Variants in PPM1H observed in about 807,000 individuals in gnomAD.
PPM1H encodes the protein protein phosphatase 1H.
In PPM1H, 27 loss-of-function variants were observed where a neutral mutation model predicts 54.9. The observed-to-expected ratio is 0.49, with a 90% CI of 0.36 to 0.68. PPM1H has a LOEUF of 0.68. Ranked by LOEUF, PPM1H falls within the 30% of genes least tolerant of loss-of-function variation. The probability of loss-of-function intolerance (pLI) is 0.00; values close to 1 mark genes in which losing one functional copy is unlikely to be tolerated. For missense variants in PPM1H, 596 were observed against 667.8 expected (o/e 0.89, Z 1.19); for synonymous variants, 305 against 270.8 (o/e 1.13, Z -1.24).
chr12:62,816,672 C>G (rs913912219), intron 2 of PPM1H, among the ~76,000 whole-genome samples: 1 of 151,636 alleles, frequency 6.6e-6, no homozygotes, highest in Admixed American at 6.6e-5. Context: ...TAAATTAATA[C>G]CAGCAAGGCA....
At chr12:62,711,996 C>T (rs2076210029) in intron 6 of PPM1H, among the ~76,000 whole-genome samples, 1 of 152,190 alleles carries the variant, frequency 6.6e-6, no homozygotes, top group South Asian at 2.1e-4. Flanking sequence ...ACAGCAGGGC[C>T]CGCTTTCTTC....
In PPM1H at chr12:62,686,830, C is replaced by T. The variant is rs534265461; in HGVS notation, c.1245+2869G>A. On this transcript the variant is annotated intron_variant, in intron 8 of 9. Coordinates refer to ENST00000228705, the MANE Select transcript of PPM1H (RefSeq NM_020700.2). ...TTTTCTCTTTCAGTGGCTTCTTAGT[C>T]CCTTTTATCTACATGTACTATGGAT... Among the ~76,000 whole-genome samples the T allele has an allele frequency of 2.8e-4, 42 of 152,252 alleles. 1 individual carries two copies. The South Asian group carries it at 8.3e-3, about 30-fold the overall frequency.
chr12:62,804,760 C>G (rs1377558253), intron 2 of PPM1H, among the ~76,000 whole-genome samples: 4 of 145,220 alleles, frequency 2.8e-5, no homozygotes, highest in Non-Finnish European at 6.0e-5. Context: ...ACTGCAAGCT[C>G]CGCCTCCCAG....
At chr12:62,829,776 C>T (rs1868330572) in intron 2 of PPM1H, among the ~76,000 whole-genome samples, 1 of 152,168 alleles carries the variant, frequency 6.6e-6, no homozygotes, top group African/African-American at 2.4e-5. Context: ...AAAAAGTCAC[C>T]CCAGCTCCAT....
At chr12:62,804,545 T>G (rs944706860) in intron 2 of PPM1H, among the ~76,000 whole-genome samples, 5 of 152,122 alleles carry the variant, frequency 3.3e-5, no homozygotes, top group Non-Finnish European at 4.4e-5. Flanking sequence ...AAATTTTTTT[T>G]GGTATCCTTC....
chr12:62,915,431 CAG>C (rs1284994088), intron 1 of PPM1H, among the ~76,000 whole-genome samples: 1 of 152,234 alleles, frequency 6.6e-6, no homozygotes, highest in African/African-American at 2.4e-5. Context: ...ACAGCTGCAG[CAG>C]AGTTTGTGCA....
intron 2 of PPM1H, among the ~76,000 whole-genome samples, 162 bp downstream of exon 2, chr12:62,831,952 T>C (rs1430933696): frequency 6.6e-6 from 1 of 151,848 alleles, no homozygotes; most frequent in African/African-American, 2.4e-5. Flanking sequence ...TTCAGCTTGG[T>C]ATGTGTGATG....
chr12:62,652,553 T>G (rs575666485), intron 9 of PPM1H, among the ~76,000 whole-genome samples: 62 of 152,362 alleles, frequency 4.1e-4, no homozygotes, highest in African/African-American at 1.4e-3. Context: ...GTTTTTAATT[T>G]ATTATGTGCT....
At position 62,935,144 on chromosome 12, in the gene PPM1H, G is replaced by A. The variant is rs890162482; in HGVS notation, c.-408C>T. 3 of 154,052 alleles carry A rather than the reference G, an allele frequency of 1.9e-5. No homozygotes were observed. The highest frequency in any genetic ancestry group is 2.1e-4 in the South Asian group (1 of 4,848). 9.5% of individuals were successfully genotyped at this position (154,052 alleles called of 1,614,324 possible). A position where few individuals can be genotyped will look rare whatever the true frequency, so the allele number is the denominator to read the frequency against. ...CTGCTGCCACGGCTACTGCCGCCGG[G>A]TCATGTGATAATCAGGCTGCAAGGG... On this transcript the variant is annotated 5_prime_UTR_variant, in exon 1 of 10. Coordinates refer to ENST00000228705, the MANE Select transcript of PPM1H (RefSeq NM_020700.2).
chr12:62,730,879 G>T (rs1340594912), intron 5 of PPM1H, among the ~76,000 whole-genome samples: 1 of 152,180 alleles, frequency 6.6e-6, no homozygotes, highest in African/African-American at 2.4e-5. Flanking sequence ...CAGAGCCAAG[G>T]CTGGCTGCCT....
chr12:62,817,152 T>TAAA (rs2076873724), intron 2 of PPM1H, among the ~76,000 whole-genome samples: 54 of 63,032 alleles, frequency 8.6e-4, no homozygotes, highest in East Asian at 1.9e-3. Flanking sequence ...AAAAAAAAAC[T>TAAA]AAAAAAAAGA....
intron 4 of PPM1H, among the ~76,000 whole-genome samples, chr12:62,779,005 G>C (rs139556912): frequency 1.5e-4 from 23 of 151,918 alleles, no homozygotes; most frequent in African/African-American, 5.1e-4. Context: ...GAAAGAAAAA[G>C]AAAGAAAGAC....
At chr12:62,712,981 C>T (rs915047572) in intron 6 of PPM1H, among the ~76,000 whole-genome samples, 2 of 152,214 alleles carry the variant, frequency 1.3e-5, no homozygotes, top group African/African-American at 4.8e-5. Context: ...TCTCAATCTG[C>T]TCATCCACTT....
intron 1 of PPM1H, among the ~76,000 whole-genome samples, chr12:62,902,091 G>A (rs929011350): frequency 2.0e-5 from 3 of 152,086 alleles, no homozygotes; most frequent in South Asian, 2.1e-4. Context: ...GGCCAGGCGC[G>A]GTGGCCCATG....
At chr12:62,790,242 GA>G (rs2076695107) in intron 3 of PPM1H, among the ~76,000 whole-genome samples, 1 of 152,188 alleles carries the variant, frequency 6.6e-6, no homozygotes, top group African/African-American at 2.4e-5. Context: ...TGGGAAACTG[GA>G]AACAGAAGAG....
intron 1 of PPM1H, among the ~76,000 whole-genome samples, chr12:62,899,348 A>G (rs2121108491): frequency 6.6e-6 from 1 of 152,258 alleles, no homozygotes; most frequent in East Asian, 1.9e-4. Context: ...AGGTGGGAGG[A>G]CCACTTGAGG....
chr12:62,648,416 C>G lies in PPM1H; in HGVS notation c.*73G>C. 1 of 1,560,388 alleles carries G rather than the reference C, an allele frequency of 6.4e-7. No homozygotes were observed. The highest frequency in any genetic ancestry group is 8.7e-7 in the Non-Finnish European group (1 of 1,143,504). ...CATCACTTGGAACTCAGCTGGGGCA[C>G]TTCCCAGTTCCGTCCTGCCAAGAGG... On this transcript the variant is annotated 3_prime_UTR_variant, in exon 10 of 10. Coordinates refer to ENST00000228705, the MANE Select transcript of PPM1H (RefSeq NM_020700.2).
intron 2 of PPM1H, among the ~76,000 whole-genome samples, chr12:62,830,325 A>G (rs962349063): frequency 2.0e-5 from 3 of 151,962 alleles, no homozygotes; most frequent in Non-Finnish European, 2.9e-5. Flanking sequence ...GCGTGATCTC[A>G]GCTCACTGCA....
At chr12:62,649,672 A>G (rs866789175) in intron 9 of PPM1H, among the ~76,000 whole-genome samples, 6 of 152,222 alleles carry the variant, frequency 3.9e-5, no homozygotes, top group South Asian at 4.1e-4. Context: ...TTCACCAAAG[A>G]ACCTCCTGAT....
Sources: gnomAD v4.1 joint callset for allele counts (sites outside exome capture counted in the v4.1 genomes callset) on GRCh38, gnomAD v4.1.1 for gene constraint, MANE v1.5 for transcripts, NCBI Gene and HGNC (gene_info 2026-07-23, HGNC 2026-07-21) for gene names.